Variants in UNC5C observed in about 807,000 individuals in gnomAD.
The protein encoded by UNC5C is unc-5 netrin receptor C.
A neutral mutation model predicts 99.8 loss-of-function variants in UNC5C; 47 were observed. The observed-to-expected ratio is 0.47, with a 90% CI of 0.37 to 0.60. UNC5C has a LOEUF of 0.60. UNC5C is among the 20% of genes least tolerant of loss of function. The probability of loss-of-function intolerance (pLI) is 0.00; values close to 1 mark genes in which losing one functional copy is unlikely to be tolerated. For synonymous variants in UNC5C, 487 were observed against 452.2 expected (o/e 1.08, Z -0.98); for missense variants, 1,062 against 1,165.9 (o/e 0.91, Z 1.30).
chr4:95,442,811 C>T (rs993228345), intron 1 of UNC5C, among the ~76,000 whole-genome samples: 12 of 132,074 alleles, frequency 9.1e-5, no homozygotes, highest in African/African-American at 2.3e-4. Flanking sequence ...TGAGTGTGTG[C>T]GCCAATACAC....
intron 1 of UNC5C, among the ~76,000 whole-genome samples, chr4:95,521,778 CTG>C (rs1164901069): frequency 2.0e-5 from 3 of 152,116 alleles, no homozygotes; most frequent in African/African-American, 7.2e-5. Context: ...AAAGAAATGA[CTG>C]TATATTTTTT....
At chr4:95,489,679 C>T (rs1721427230) in intron 1 of UNC5C, among the ~76,000 whole-genome samples, 1 of 151,598 alleles carries the variant, frequency 6.6e-6, no homozygotes, top group Non-Finnish European at 1.5e-5. Flanking sequence ...TAGATGGATT[C>T]TACATATGCC....
chr4:95,202,605 T>G (rs1737719713), intron 12 of UNC5C, 126 bp downstream of exon 12: 2 of 879,276 alleles, frequency 2.3e-6, no homozygotes, highest in Non-Finnish European at 3.5e-6. Flanking sequence ...TGCATCCTTT[T>G]GGGCCAAACA....
chr4:95,425,076 T>C (rs568457828), intron 1 of UNC5C, among the ~76,000 whole-genome samples: 2 of 152,274 alleles, frequency 1.3e-5, no homozygotes, highest in Admixed American at 6.5e-5. Context: ...TACTTGTCAC[T>C]TTTCCACTCC....
intron 3 of UNC5C, among the ~76,000 whole-genome samples, chr4:95,280,193 A>G (rs1560767245): frequency 6.6e-6 from 1 of 152,128 alleles, no homozygotes; most frequent in East Asian, 1.9e-4. Flanking sequence ...AAAAAAATGC[A>G]CTGAGAAAGG....
At chr4:95,419,128 C>A (rs1746250182) in intron 1 of UNC5C, among the ~76,000 whole-genome samples, 1 of 152,100 alleles carries the variant, frequency 6.6e-6, no homozygotes, top group Non-Finnish European at 1.5e-5. Context: ...AGCTGAAACA[C>A]TGATATCAAA....
intron 1 of UNC5C, among the ~76,000 whole-genome samples, chr4:95,428,850 A>T (rs1036476775): frequency 6.6e-6 from 1 of 152,084 alleles, no homozygotes. Flanking sequence ...CTATTTTCCC[A>T]CAAAGCTGCT....
At chr4:95,466,232 T>C (rs758048909) in intron 1 of UNC5C, among the ~76,000 whole-genome samples, 12 of 152,176 alleles carry the variant, frequency 7.9e-5, no homozygotes, top group Non-Finnish European at 1.8e-4. Context: ...ATAGAGTACC[T>C]ACTCATAGAG....
chr4:95,295,981 G>T (rs1039882218), intron 3 of UNC5C, among the ~76,000 whole-genome samples: 54 of 152,138 alleles, frequency 3.5e-4, no homozygotes, highest in African/African-American at 9.4e-4. Flanking sequence ...AGCTACATGG[G>T]GGGGAGGCTG....
intron 1 of UNC5C, among the ~76,000 whole-genome samples, chr4:95,499,694 G>A (rs1054316081): frequency 6.6e-6 from 1 of 151,976 alleles, no homozygotes; most frequent in Non-Finnish European, 1.5e-5. Context: ...AGTCTTCCAG[G>A]GAGACCAAAC....
intron 1 of UNC5C, among the ~76,000 whole-genome samples, chr4:95,363,124 C>T (rs1172213983): frequency 6.6e-6 from 1 of 152,030 alleles, no homozygotes; most frequent in Non-Finnish European, 1.5e-5. Flanking sequence ...ATCACCATAA[C>T]GGTTCTTCTT....
intron 12 of UNC5C, among the ~76,000 whole-genome samples, chr4:95,189,944 G>T (rs1737002658): frequency 6.6e-6 from 1 of 152,094 alleles, no homozygotes; most frequent in South Asian, 2.1e-4. Flanking sequence ...GATTCCTCAG[G>T]GATCTAGAAC....
At chr4:95,368,103 A>G (rs2149437619) in intron 1 of UNC5C, among the ~76,000 whole-genome samples, 1 of 152,266 alleles carries the variant, frequency 6.6e-6, no homozygotes, top group African/African-American at 2.4e-5. Flanking sequence ...TACCCCTTTC[A>G]TGATTTAAAA....
chr4:95,478,066 G>GT (rs554658523), intron 1 of UNC5C, among the ~76,000 whole-genome samples: 4 of 151,902 alleles, frequency 2.6e-5, no homozygotes, highest in Non-Finnish European at 5.9e-5. Context: ...TTATTACTAG[G>GT]TTTTTTAGCT....
chr4:95,169,126 G>T lies in UNC5C; in HGVS notation c.*108C>A, dbSNP rs537501633. On this transcript the variant is annotated 3_prime_UTR_variant, in exon 16 of 16. Coordinates refer to ENST00000453304, the MANE Select transcript of UNC5C (RefSeq NM_003728.4). ...TCTGGCTCCTGCTGCAGTCTTGCCTGTGAAGTGCATTGGTCTCATCTGGAT... is the reference window on the plus strand; with the variant it reads ...TCTGGCTCCTGCTGCAGTCTTGCCTTTGAAGTGCATTGGTCTCATCTGGAT... The T allele has an allele frequency of 1.1e-4, 148 of 1,404,188 alleles. No individual in the cohort carries two copies. In the African/African-American group the frequency reaches 1.9e-3, roughly 18 times the overall value. The allele number at this position is 1,404,188 out of a possible 1,614,324, so 87.0% of individuals were successfully genotyped here. A position where few individuals can be genotyped will look rare whatever the true frequency, so the allele number is the denominator to read the frequency against.
At chr4:95,455,698 A>T (rs950348237) in intron 1 of UNC5C, among the ~76,000 whole-genome samples, 8 of 152,010 alleles carry the variant, frequency 5.3e-5, no homozygotes, top group African/African-American at 1.9e-4. Context: ...AGCAACCTTT[A>T]TTACTTATTT....
chr4:95,466,151 C>T (rs1747770160), intron 1 of UNC5C, among the ~76,000 whole-genome samples: 1 of 152,106 alleles, frequency 6.6e-6, no homozygotes, highest in Non-Finnish European at 1.5e-5. Flanking sequence ...TAAGCAAAAT[C>T]CCTGCAAATG....
chr4:95,324,034 T>C (rs562493861), intron 2 of UNC5C, among the ~76,000 whole-genome samples: 1 of 150,680 alleles, frequency 6.6e-6, no homozygotes, highest in African/African-American at 2.4e-5. Context: ...AGACTCCATC[T>C]CAAAAAATAA....
At chr4:95,333,226 T>C (rs1743193504) in intron 2 of UNC5C, among the ~76,000 whole-genome samples, 2 of 152,098 alleles carry the variant, frequency 1.3e-5, no homozygotes, top group South Asian at 2.1e-4. Context: ...ACTGGGTATA[T>C]ACCCAAAGGA....
Sources: allele counts gnomAD v4.1 joint callset (sites outside exome capture counted in the v4.1 genomes callset), GRCh38; gene constraint gnomAD v4.1.1; transcripts MANE v1.5; gene names NCBI Gene and HGNC (gene_info 2026-07-23, HGNC 2026-07-21).